Variants in SNX14 observed in about 807,000 individuals in gnomAD.
The protein encoded by SNX14 is sorting nexin-14.
Under a neutral mutation model 133.8 loss-of-function variants are expected in SNX14, and 93 were observed. The observed-to-expected ratio is 0.70, with a 90% CI of 0.59 to 0.83. The LOEUF is 0.83. Ranked by LOEUF, SNX14 falls within the 40% of genes least tolerant of loss-of-function variation. The probability of loss-of-function intolerance (pLI) is 0.00; values close to 1 mark genes in which losing one functional copy is unlikely to be tolerated. For missense variants in SNX14, 945 were observed against 1,094.9 expected (o/e 0.86, Z 1.93); for synonymous variants, 368 against 365.6 (o/e 1.01, Z -0.07).
chr6:85,520,731 A>C (rs1277176122), intron 21 of SNX14, among the ~76,000 whole-genome samples: 2 of 152,210 alleles, frequency 1.3e-5, no homozygotes, highest in African/African-American at 4.8e-5. Context: ...TGTAAAAAGA[A>C]TCAGACTGTA....
Position 85,533,624 on chromosome 6 carries a change from A to G in SNX14, c.1785T>C (p.Asp595=). 1 of 1,613,406 alleles carries G rather than the reference A, an allele frequency of 6.2e-7. No homozygotes were observed. Among genetic ancestry groups the G allele is most frequent in the Non-Finnish European group, 8.5e-7 (1 of 1,180,006 alleles). ...KKERIPVFCI[D]VERNDRRAVG... ...CTGCTCTTCTATCATTTCTTTCAAC[A>G]TCAATACAAAACACAGGAATTCTTT... The change falls in exon 18 of 29, where the codon GAT becomes GAC. Residue 595 remains aspartate, a synonymous_variant. Transcript: ENST00000314673.
chr6:85,509,279 T>C (rs1232858405), intron 26 of SNX14, among the ~76,000 whole-genome samples: 1 of 152,188 alleles, frequency 6.6e-6, no homozygotes, highest in Non-Finnish European at 1.5e-5. Context: ...TTTCTGAGTA[T>C]CAAAGCTGAG....
At chr6:85,577,975 G>A (rs1797846255) in intron 1 of SNX14, among the ~76,000 whole-genome samples, 1 of 152,178 alleles carries the variant, frequency 6.6e-6, no homozygotes, top group South Asian at 2.1e-4. Context: ...ATGGAGGTGA[G>A]GAAGTGGGAT....
At chr6:85,508,141 C>A in intron 26 of SNX14, 82 bp from the exon 27 acceptor site, 1 of 1,501,530 alleles carries the variant, frequency 6.7e-7, no homozygotes, top group Non-Finnish European at 8.9e-7. Flanking sequence ...AAAATCACCA[C>A]CCTGTTTCCC....
intron 13 of SNX14, 128 bp from the exon 14 acceptor site, chr6:85,543,434 T>G (rs1562282790): frequency 4.7e-6 from 5 of 1,067,784 alleles, no homozygotes; most frequent in Non-Finnish European, 3.9e-6. Flanking sequence ...GCTCTAGTTC[T>G]GACAAATACA....
intron 15 of SNX14, among the ~76,000 whole-genome samples, chr6:85,541,288 C>G (rs1252620565): frequency 6.6e-6 from 1 of 152,094 alleles, no homozygotes; most frequent in Non-Finnish European, 1.5e-5. Flanking sequence ...CCACCGTGCC[C>G]GGCCATTAAC....
chr6:85,567,685 A>G lies in SNX14; in HGVS notation c.418-108T>C, dbSNP rs928569450. The G allele has an allele frequency of 9.2e-6, 6 of 651,586 alleles. No homozygotes were observed. In the East Asian group the frequency reaches 2.1e-4, roughly 22 times the overall value. 40.4% of individuals were successfully genotyped at this position (651,586 alleles called of 1,614,324 possible). On this transcript the variant is annotated intron_variant, in intron 4 of 28. Transcript: ENST00000314673. ...ATTACCAAGAAACAATTTTATTATC[A>G]CAAATAGTGACAGTAGGCGGTGAGC...
At chr6:85,521,100 A>C (rs1265048067) in intron 21 of SNX14, among the ~76,000 whole-genome samples, 1 of 152,244 alleles carries the variant, frequency 6.6e-6, no homozygotes, top group Non-Finnish European at 1.5e-5. Flanking sequence ...CACTTAGTAT[A>C]ATCAGACTTT....
chr6:85,574,695 T>G lies in SNX14; in HGVS notation c.141-317A>C, dbSNP rs147305170. Among the ~76,000 whole-genome samples the G allele has an allele frequency of 3.9e-5, 6 of 152,322 alleles. No individual in the cohort carries two copies. In the East Asian group the frequency reaches 1.2e-3, roughly 29 times the overall value. ...TTGTAGTATTCATATCCCAACAAAA[T>G]TCTGATTATTTTTCACTACATCAAA... On this transcript the variant is annotated intron_variant, in intron 1 of 28. Transcript: ENST00000314673.
intron 1 of SNX14, among the ~76,000 whole-genome samples, chr6:85,574,863 T>C (rs1032167560): frequency 4.6e-5 from 7 of 152,366 alleles, no homozygotes; most frequent in African/African-American, 1.7e-4. Flanking sequence ...CACAATACTA[T>C]GTGATCACAC....
At chr6:85,568,864 C>T (rs779335481) in intron 4 of SNX14, among the ~76,000 whole-genome samples, 2 of 152,178 alleles carry the variant, frequency 1.3e-5, no homozygotes, top group Admixed American at 6.5e-5. Context: ...AGAGAACAGA[C>T]TAGAACGAGT....
chr6:85,505,710 T>C lies in SNX14; in HGVS notation c.*257A>G. 2.3e-6 allele frequency: 1 copy of C among 435,122 alleles called. No individual in the cohort carries two copies. Among genetic ancestry groups the C allele is most frequent in the South Asian group, 3.0e-5 (1 of 33,464 alleles). The allele number at this position is 435,122 out of a possible 1,614,324, so 27.0% of individuals were successfully genotyped here. A position where few individuals can be genotyped will look rare whatever the true frequency, so the allele number is the denominator to read the frequency against. On this transcript the variant is annotated 3_prime_UTR_variant, in exon 29 of 29. Transcript: ENST00000314673. ...TGTTTGCCATAACATCATTATGAAT[T>C]TTCTCTTTTAAAAATGGCAATAACA...
At chr6:85,567,316 A>T (rs1272918921) in intron 5 of SNX14, among the ~76,000 whole-genome samples, 10 of 152,112 alleles carry the variant, frequency 6.6e-5, no homozygotes, top group African/African-American at 1.9e-4. Context: ...AACTGGTGGC[A>T]GAGATGTCTG....
Position 85,517,831 on chromosome 6 carries a change from A to T in SNX14, c.2193T>A (p.Ser731=). The T allele has an allele frequency of 6.2e-7, 1 of 1,610,410 alleles. No homozygotes were observed. The highest frequency in any genetic ancestry group is 8.5e-7 in the Non-Finnish European group (1 of 1,178,970). The change falls in exon 23 of 29, where the codon TCT becomes TCA. Residue 731 remains serine, a synonymous_variant. Coordinates refer to ENST00000314673, the MANE Select transcript of SNX14 (RefSeq NM_153816.6). ...TTGGTTTAGGCTTTGGAGACTCACAAGAATTAATGAAATTCATGATAAAAG... is the reference window on the plus strand; with the variant it reads ...TTGGTTTAGGCTTTGGAGACTCACATGAATTAATGAAATTCATGATAAAAG... ...LEPFIMNFIN[S]CESPKPKPSR... is the part of the protein sequence containing the mutation.
rs143774759 is a variant in SNX14 at position 85,583,079 on chromosome 6, C to T, written c.141-8701G>A. ...CCACCATGATCAAGTCGGCTTCATC[C>T]CTGGAATGCAAGGCTGGTTCAACAT... On this transcript the variant is annotated intron_variant, in intron 1 of 28. Coordinates refer to ENST00000314673, the MANE Select transcript of SNX14 (RefSeq NM_153816.6). Among the ~76,000 whole-genome samples, 1,141 of 152,250 alleles carry T rather than the reference C, an allele frequency of 7.5e-3. 16 individuals are homozygous for T. Among genetic ancestry groups the T allele is most frequent in the African/African-American group, 0.027 (1,103 of 41,534 alleles).
At position 85,547,373 on chromosome 6, in the gene SNX14, A is replaced by C. The variant is rs767304338; in HGVS notation, c.937T>G (p.Ser313Ala). 4.7e-5 allele frequency: 76 copies of C among 1,613,532 alleles called. No individual in the cohort carries two copies. The highest frequency in any genetic ancestry group is 5.9e-5 in the Non-Finnish European group (70 of 1,179,956). ...TTCTGCAAGAATGGAACCAAAGGAG[A>C]AGCCGGTTCAGTTGCTTTTTCAGGC... ...SPPEKATEPA[S>A]PLVPFLQKFA... The change falls in exon 11 of 29, where the codon TCT becomes GCT. Residue 313 changes from serine (S) to alanine (A), a missense_variant. This residue lies in a region of SNX14 where 514 missense variants were observed against 538.8 expected (regional missense o/e 0.95). Coordinates refer to ENST00000314673, the MANE Select transcript of SNX14 (RefSeq NM_153816.6).
chr6:85,546,938 G>A (rs1172268626), intron 12 of SNX14, among the ~76,000 whole-genome samples, 174 bp downstream of exon 12: 1 of 142,366 alleles, frequency 7.0e-6, no homozygotes, highest in Non-Finnish European at 1.5e-5. Flanking sequence ...TCCAGCCTGG[G>A]CAACGAGAGT....
chr6:85,552,537 C>T (rs987081227), intron 7 of SNX14, among the ~76,000 whole-genome samples: 5 of 152,066 alleles, frequency 3.3e-5, no homozygotes, highest in African/African-American at 1.2e-4. Context: ...CTAAGCTAGC[C>T]CTACAACCAG....
intron 1 of SNX14, among the ~76,000 whole-genome samples, chr6:85,578,994 C>T (rs552899299): frequency 1.3e-5 from 2 of 152,088 alleles, no homozygotes; most frequent in African/African-American, 4.8e-5. Context: ...AAAAATTAGC[C>T]GGGCATGGTG....
Sources: allele counts gnomAD v4.1 joint callset (sites outside exome capture counted in the v4.1 genomes callset), GRCh38; gene constraint gnomAD v4.1.1; regional missense constraint gnomAD v4.1.1; transcripts MANE v1.5; gene names NCBI Gene and HGNC (gene_info 2026-07-23, HGNC 2026-07-21).